Variants in CCDC93 observed in about 807,000 individuals in gnomAD.
CCDC93 encodes the protein CCC complex scaffolding subunit CCDC93.
CCDC93 carries 61 observed loss-of-function variants against 108.2 expected under a neutral mutation model. That is an observed-to-expected ratio of 0.56 (90% CI 0.46 to 0.70). The LOEUF (loss-of-function observed/expected upper bound fraction) is 0.70. CCDC93 is among the 30% of genes least tolerant of loss of function. The probability of loss-of-function intolerance (pLI) is 0.00; values close to 1 mark genes in which losing one functional copy is unlikely to be tolerated. For missense variants in CCDC93, 685 were observed against 764.2 expected, an observed-to-expected ratio of 0.90 and a Z score of 1.22; for synonymous variants, 276 against 260.4, an observed-to-expected ratio of 1.06 and a Z score of -0.58.
intron 4 of CCDC93, chr2:117,998,381 T>C (rs1216139941): frequency 6.6e-6 from 1 of 152,192 alleles, no homozygotes; most frequent in Non-Finnish European, 1.5e-5. Context: ...AGTTTCATCA[T>C]AGTTAAATGT....
At chr2:117,985,891 G>C in intron 7 of CCDC93, 78 bp downstream of exon 7, 1 of 851,552 alleles carries the variant, frequency 1.2e-6, no homozygotes, top group Non-Finnish European at 1.9e-6. Context: ...GTAGAAGCTA[G>C]TCAAGTTAAT....
intron 23 of CCDC93, among the ~76,000 whole-genome samples, chr2:117,921,411 G>A (rs561971852): frequency 9.9e-5 from 15 of 151,998 alleles, no homozygotes; most frequent in Non-Finnish European, 1.9e-4. Context: ...AGTAGCTCAT[G>A]ATACCTCCAT....
rs149006630 is a variant in CCDC93 at position 117,935,306 on chromosome 2, T to C, written c.1728+189A>G. Reference sequence around the variant, plus strand: ...ACAGCAACTTTTGAACCCCTGGGTGTAGGCAGCTCATGAGACAGGCCCTGC... The same window carrying C: ...ACAGCAACTTTTGAACCCCTGGGTGCAGGCAGCTCATGAGACAGGCCCTGC... On this transcript the variant is annotated intron_variant, in intron 22 of 23. Coordinates refer to ENST00000376300, the MANE Select transcript of CCDC93 (RefSeq NM_019044.5). 5.9e-5 allele frequency among the ~76,000 whole-genome samples: 9 copies of C among 152,294 alleles called. No homozygotes were observed. In the East Asian group the frequency reaches 1.7e-3, roughly 29 times the overall value.
At chr2:117,926,475 A>T (rs1477517624) in intron 23 of CCDC93, among the ~76,000 whole-genome samples, 1 of 152,254 alleles carries the variant, frequency 6.6e-6, no homozygotes, top group African/African-American at 2.4e-5. Context: ...CTACCATCAG[A>T]GAATACTATA....
chr2:117,947,776 C>G (rs1678920180), intron 15 of CCDC93, among the ~76,000 whole-genome samples: 1 of 148,936 alleles, frequency 6.7e-6, no homozygotes, highest in Non-Finnish European at 1.5e-5. Flanking sequence ...TCACTGCAAG[C>G]TCTGCCTCCC....
chr2:117,939,070 A>G lies in CCDC93; in HGVS notation c.1564T>C (p.Tyr522His). The G allele has an allele frequency of 6.2e-7, 1 of 1,607,378 alleles. No homozygotes were observed. Among genetic ancestry groups the G allele is most frequent in the Non-Finnish European group, 8.5e-7 (1 of 1,174,220 alleles). Residue 522 changes from tyrosine to histidine, a missense_variant, in exon 20 of 24, where the codon TAT becomes CAT. By Grantham distance (83) the Tyr-to-His change is moderately conservative. Transcript: ENST00000376300. The part of the protein sequence containing the change: ...HKETKQFFTL[Y>H]NTLDDKKVYL... ...ACCTTTTTATCATCCAGGGTATTATATAAAGTGAAGAACTGCTTGGTTTCT... is the reference window on the plus strand; with the variant it reads ...ACCTTTTTATCATCCAGGGTATTATGTAAAGTGAAGAACTGCTTGGTTTCT...
At chr2:117,926,799 T>G (rs7420150) in intron 23 of CCDC93, among the ~76,000 whole-genome samples, 87,486 of 151,546 alleles carry the variant, frequency 0.58, 25,544 homozygotes, top group Middle Eastern at 0.63. Context: ...TACCAAAGCC[T>G]GGCAGAGACA....
intron 18 of CCDC93, among the ~76,000 whole-genome samples, chr2:117,941,519 A>C (rs1055170188): frequency 6.6e-6 from 1 of 152,142 alleles, no homozygotes; most frequent in Non-Finnish European, 1.5e-5. Flanking sequence ...ACTGAATCAC[A>C]GAAGGCACCA....
At chr2:117,967,465 G>A (rs796397127) in intron 11 of CCDC93, among the ~76,000 whole-genome samples, 8 of 152,298 alleles carry the variant, frequency 5.3e-5, no homozygotes, top group East Asian at 1.9e-4. Flanking sequence ...TCTTGTTTCC[G>A]TGGTTAGTTC....
chr2:118,013,986 G>A lies in CCDC93; in HGVS notation c.10C>T (p.Pro4Ser). The change falls in exon 1 of 24, where the codon CCC becomes TCC. Residue 4 changes from proline (P) to serine (S), a missense_variant. Physicochemically the swap from Pro to Ser is moderately conservative, Grantham distance 74. Coordinates refer to ENST00000376300, the MANE Select transcript of CCDC93 (RefSeq NM_019044.5). MGLPRGPEGQGLPE... is the reference protein window; with the variant it reads MGLSRGPEGQGLPE... ...AGACCCTGGCCCTCCGGCCCCCTGG[G>A]CAACCCCATGATCCGACCGGGCTGT... The A allele has an allele frequency of 1.9e-6, 3 of 1,595,374 alleles. No individual in the cohort carries two copies. The highest frequency in any genetic ancestry group is 2.6e-6 in the Non-Finnish European group (3 of 1,172,476).
chr2:117,958,318 A>G lies in CCDC93; in HGVS notation c.1005+47T>C, dbSNP rs775420833. On this transcript the variant is annotated intron_variant, in intron 12 of 23. Transcript: ENST00000376300. ...CCCGTTCTGGAATCTCCTTTAACCA[A>G]TCTACCATGAAGATCTTGAATAAAC... 4 of 1,243,006 alleles carry G rather than the reference A, an allele frequency of 3.2e-6. No homozygotes were observed. The South Asian group carries it at 4.8e-5, about 15-fold the overall frequency. The allele number at this position is 1,243,006 out of a possible 1,614,324, so 77.0% of individuals were successfully genotyped here.
intron 23 of CCDC93, among the ~76,000 whole-genome samples, chr2:117,922,714 G>A (rs1485616358): frequency 6.6e-6 from 1 of 152,188 alleles, no homozygotes; most frequent in African/African-American, 2.4e-5. Context: ...TCAGAACGCA[G>A]AAGTAGAGGG....
intron 11 of CCDC93, among the ~76,000 whole-genome samples, chr2:117,960,841 T>C (rs1235413852): frequency 2.0e-5 from 3 of 152,216 alleles, no homozygotes; most frequent in African/African-American, 7.2e-5. Flanking sequence ...TTACATGACA[T>C]GTGATATCAC....
At chr2:117,949,043 T>C (rs1317311533) in intron 14 of CCDC93, among the ~76,000 whole-genome samples, 18 of 152,166 alleles carry the variant, frequency 1.2e-4, no homozygotes, top group Non-Finnish European at 1.5e-5. Flanking sequence ...TTCTGTACTA[T>C]GAAGGTATGA....
chr2:117,920,962 T>A (rs1677842124), intron 23 of CCDC93, among the ~76,000 whole-genome samples: 1 of 152,032 alleles, frequency 6.6e-6, no homozygotes, highest in African/African-American at 2.4e-5. Flanking sequence ...GGCAGGCGGA[T>A]CATGAGGTCA....
chr2:117,936,617 A>G (rs1678533007), intron 21 of CCDC93, 85 bp downstream of exon 21: 1 of 1,057,132 alleles, frequency 9.5e-7, no homozygotes, highest in East Asian at 2.4e-5. Context: ...ACCTTTGTCA[A>G]GCACATTATA....
intron 11 of CCDC93, among the ~76,000 whole-genome samples, chr2:117,964,321 C>T (rs938429074): frequency 9.9e-5 from 15 of 152,184 alleles, no homozygotes; most frequent in African/African-American, 3.4e-4. Flanking sequence ...CTGCATTCTC[C>T]TCAATGCCTA....
intron 23 of CCDC93, among the ~76,000 whole-genome samples, chr2:117,927,264 G>A (rs147191936): frequency 0.013 from 2,023 of 152,136 alleles, 46 homozygotes; most frequent in African/African-American, 0.045. Context: ...TGGAAGTTCT[G>A]GTCAGGGCAA....
chr2:117,972,657 A>G (rs536977419), intron 11 of CCDC93, among the ~76,000 whole-genome samples: 1 of 151,986 alleles, frequency 6.6e-6, no homozygotes, highest in Admixed American at 6.5e-5. Flanking sequence ...ATGTGGCAAC[A>G]TAAGGGCGGG....
Sources: allele counts gnomAD v4.1 joint callset (sites outside exome capture counted in the v4.1 genomes callset), GRCh38; gene constraint gnomAD v4.1.1; transcripts MANE v1.5; gene names NCBI Gene and HGNC (gene_info 2026-07-23, HGNC 2026-07-21).